COPS3: variants seen among roughly 807,000 people sequenced by gnomAD.
The protein encoded by COPS3 is COP9 signalosome complex subunit 3.
Under a neutral mutation model 58.2 loss-of-function variants are expected in COPS3, and 10 were observed. The observed-to-expected ratio is 0.17, with a 90% CI of 0.11 to 0.29. COPS3 has a LOEUF of 0.29. Ranked by LOEUF, COPS3 falls within the 10% of genes least tolerant of loss-of-function variation. COPS3 has a pLI of 1.00. For missense variants in COPS3, 333 were observed against 510.1 expected, an observed-to-expected ratio of 0.65 and a Z score of 3.34; for synonymous variants, 187 against 181.7, an observed-to-expected ratio of 1.03 and a Z score of -0.24.
At chr17:17,269,035 A>C (rs1289040587) in intron 4 of COPS3, among the ~76,000 whole-genome samples, 1 of 152,088 alleles carries the variant, frequency 6.6e-6, no homozygotes, top group East Asian at 1.9e-4. Flanking sequence ...AATTAAAAAG[A>C]AACACCTGGC....
chr17:17,278,839 A>G (rs1191619461), intron 1 of COPS3, among the ~76,000 whole-genome samples: 2 of 151,688 alleles, frequency 1.3e-5, no homozygotes, highest in East Asian at 1.9e-4. Flanking sequence ...ATTTGAAATC[A>G]GTGTAACCAG....
chr17:17,247,408 C>T, intron 11 of COPS3, 72 bp downstream of exon 11: 2 of 1,371,184 alleles, frequency 1.5e-6, no homozygotes, highest in Non-Finnish European at 2.1e-6. Context: ...AAACTTAGTT[C>T]CTGTGCCTGA....
At chr17:17,270,168 A>C (rs983844284) in intron 4 of COPS3, among the ~76,000 whole-genome samples, 121 of 152,072 alleles carry the variant, frequency 8.0e-4, no homozygotes, top group Non-Finnish European at 1.5e-3. Context: ...AAAAAAAAAA[A>C]CAGTAAGAGT....
At chr17:17,257,007 A>C (rs969956186) in intron 8 of COPS3, among the ~76,000 whole-genome samples, 5 of 152,148 alleles carry the variant, frequency 3.3e-5, no homozygotes, top group Non-Finnish European at 7.4e-5. Flanking sequence ...GTTTAACACA[A>C]ACAAAGACTC....
intron 6 of COPS3, 74 bp downstream of exon 6, chr17:17,264,728 G>A (rs1021808443): frequency 3.2e-5 from 43 of 1,327,138 alleles, no homozygotes; most frequent in Middle Eastern, 1.9e-4. Context: ...GACCACTCTA[G>A]CCACAAACCT....
intron 5 of COPS3, among the ~76,000 whole-genome samples, chr17:17,267,262 C>T (rs1597688115): frequency 6.9e-6 from 1 of 145,958 alleles, no homozygotes; most frequent in Non-Finnish European, 1.5e-5. Context: ...GGCGTGAACC[C>T]GGGAGGCGGA....
At chr17:17,270,277 A>G (rs1367607869) in intron 4 of COPS3, among the ~76,000 whole-genome samples, 1 of 152,222 alleles carries the variant, frequency 6.6e-6, no homozygotes, top group Non-Finnish European at 1.5e-5. Flanking sequence ...GAACAGCAAT[A>G]GCATATGTGC....
intron 1 of COPS3, among the ~76,000 whole-genome samples, chr17:17,276,370 C>CCCA (rs2048461711): frequency 6.6e-6 from 1 of 152,122 alleles, no homozygotes; most frequent in South Asian, 2.1e-4. Flanking sequence ...CACTGGACCT[C>CCCA]CCACTTCTCT....
chr17:17,271,050 T>C (rs749033954), intron 2 of COPS3, 42 bp from the exon 3 acceptor site: 38 of 1,354,246 alleles, frequency 2.8e-5, no homozygotes, highest in Non-Finnish European at 3.9e-5. Flanking sequence ...TGATAGTTCA[T>C]GGGATAAAAT....
chr17:17,248,818 T>A (rs1016607409), intron 10 of COPS3, 108 bp downstream of exon 10: 3 of 669,454 alleles, frequency 4.5e-6, no homozygotes, highest in Non-Finnish European at 7.6e-6. Context: ...GTTCACAGAC[T>A]GGGAACTACC....
At chr17:17,259,027 C>G (rs1281340649) in intron 8 of COPS3, among the ~76,000 whole-genome samples, 1 of 152,088 alleles carries the variant, frequency 6.6e-6, no homozygotes, top group Non-Finnish European at 1.5e-5. Flanking sequence ...ACCTCAACGG[C>G]CACCCCGACC....
At chr17:17,276,317 A>C (rs766069036) in intron 1 of COPS3, 153 bp from the exon 2 acceptor site, 15 of 931,434 alleles carry the variant, frequency 1.6e-5, no homozygotes, top group Non-Finnish European at 2.2e-5. Flanking sequence ...GGACCAGAGG[A>C]GTGAAACAAC....
Position 17,267,211 on chromosome 17 carries a change from G to A in COPS3, c.441+674C>T, listed in dbSNP as rs534559984. On this transcript the variant is annotated intron_variant, in intron 5 of 11. Transcript: ENST00000268717. ...AAATTAGCCAGGCGTGATAGCGGGCGCCTGTAGTCCCAGCTACTCGGGAGG... is the reference window on the plus strand; with the variant it reads ...AAATTAGCCAGGCGTGATAGCGGGCACCTGTAGTCCCAGCTACTCGGGAGG... Among the ~76,000 whole-genome samples, 4 of 151,600 alleles carry A rather than the reference G, an allele frequency of 2.6e-5. No homozygotes were observed. The South Asian group carries it at 8.3e-4, about 32-fold the overall frequency.
At chr17:17,256,013 C>CAA (rs771287385) in intron 8 of COPS3, among the ~76,000 whole-genome samples, 2,938 of 112,882 alleles carry the variant, frequency 0.026, 143 homozygotes, top group African/African-American at 0.09. Context: ...ACTAAAAATA[C>CAA]AAAAAAAAAA....
At chr17:17,275,936 C>T in intron 2 of COPS3, 99 bp downstream of exon 2, 2 of 1,201,484 alleles carry the variant, frequency 1.7e-6, no homozygotes, top group Non-Finnish European at 2.2e-6. Flanking sequence ...AGCGAAACTC[C>T]ATCTCAAAAA....
intron 5 of COPS3, among the ~76,000 whole-genome samples, chr17:17,267,076 G>A (rs1415155773): frequency 1.3e-5 from 2 of 150,602 alleles, no homozygotes; most frequent in Non-Finnish European, 1.5e-5. Flanking sequence ...AGTGGCTCAC[G>A]CCTGTAATCC....
chr17:17,252,555 C>T (rs936384390), intron 9 of COPS3, among the ~76,000 whole-genome samples: 3 of 152,196 alleles, frequency 2.0e-5, no homozygotes. Context: ...AAACTGCTTC[C>T]AGACGTTGCC....
intron 8 of COPS3, among the ~76,000 whole-genome samples, chr17:17,257,388 C>T (rs1395189494): frequency 1.3e-5 from 2 of 148,282 alleles, no homozygotes; most frequent in African/African-American, 5.0e-5. Context: ...AGAAAAAATA[C>T]CAAACAAACA....
At chr17:17,275,860 T>G (rs1437878022) in intron 2 of COPS3, among the ~76,000 whole-genome samples, 175 bp downstream of exon 2, 1 of 152,052 alleles carries the variant, frequency 6.6e-6, no homozygotes, top group Non-Finnish European at 1.5e-5. Flanking sequence ...GAGAATGGAG[T>G]GAACCCGGGA....
Sources: allele counts gnomAD v4.1 joint callset (sites outside exome capture counted in the v4.1 genomes callset), GRCh38; gene constraint gnomAD v4.1.1; transcripts MANE v1.5; gene names NCBI Gene and HGNC (gene_info 2026-07-23, HGNC 2026-07-21).